MTREX: variants seen among roughly 807,000 people sequenced by gnomAD.
MTREX encodes the protein Mtr4 exosome RNA helicase.
MTREX carries 76 observed loss-of-function variants against 135.4 expected under a neutral mutation model. That is an observed-to-expected ratio of 0.56 (90% CI 0.47 to 0.68). The LOEUF (loss-of-function observed/expected upper bound fraction) is 0.68. Ranked by LOEUF, MTREX falls within the 30% of genes least tolerant of loss-of-function variation. The pLI is 0.00. For missense variants in MTREX, 920 were observed against 1,262.1 expected (o/e 0.73, Z 4.11); for synonymous variants, 404 against 401.6 (o/e 1.01, Z -0.07).
chr5:55,313,234 C>T (rs1399414810), intron 1 of MTREX, among the ~76,000 whole-genome samples: 2 of 147,330 alleles, frequency 1.4e-5, no homozygotes, highest in Non-Finnish European at 3.0e-5. Context: ...CCCAGGAGTT[C>T]GGGACCAGCT....
intron 15 of MTREX, among the ~76,000 whole-genome samples, chr5:55,361,901 G>GTTGTTTGT (rs773440677): frequency 0.023 from 3,514 of 150,758 alleles, 126 homozygotes; most frequent in African/African-American, 0.078. Flanking sequence ...CCTTGTTGTT[G>GTTGTTTGT]TTGTTTGTTT....
At position 55,342,945 on chromosome 5, in the gene MTREX, G is replaced by T. The variant is rs370688809; in HGVS notation, c.782-386G>T. 1.3e-3 allele frequency among the ~76,000 whole-genome samples: 204 copies of T among 152,190 alleles called. 2 individuals are homozygous for T. In the Middle Eastern group the frequency reaches 0.024, roughly 18 times the overall value. Reference sequence around the variant, plus strand: ...AAGGATAATTTGGGTGAACGATGCCGTCTGGAATAGGAATAGTATCTTCTA... The same window carrying T: ...AAGGATAATTTGGGTGAACGATGCCTTCTGGAATAGGAATAGTATCTTCTA... On this transcript the variant is annotated intron_variant, in intron 7 of 26. Coordinates refer to ENST00000230640, the MANE Select transcript of MTREX (RefSeq NM_015360.5).
chr5:55,313,037 T>TA lies in MTREX; in HGVS notation c.134+4896dup, dbSNP rs1178130025. 2.6e-5 allele frequency among the ~76,000 whole-genome samples: 4 copies of TA among 152,162 alleles called. No homozygotes were observed. In the South Asian group the frequency reaches 6.2e-4, roughly 24 times the overall value. ...AAGAACTAGGGAATCTTTGTTTTTA[T>TA]AAAAAATAGAATTCATACTGACATT... On this transcript the variant is annotated intron_variant, in intron 1 of 26. Coordinates refer to ENST00000230640, the MANE Select transcript of MTREX (RefSeq NM_015360.5).
At position 55,399,816 on chromosome 5, in the gene MTREX, A is replaced by G. The variant is rs573140327; in HGVS notation, c.2293-417A>G. 7.2e-5 allele frequency among the ~76,000 whole-genome samples: 11 copies of G among 152,332 alleles called. No individual in the cohort carries two copies. In the East Asian group the frequency reaches 1.5e-3, roughly 21 times the overall value. ...GGACTTTTTAAAAAGTCTATACTTT[A>G]CAAGTCAGTAGTGCCCTCCCTAGGC... On this transcript the variant is annotated intron_variant, in intron 20 of 26. Coordinates refer to ENST00000230640, the MANE Select transcript of MTREX (RefSeq NM_015360.5).
chr5:55,403,219 CA>C (rs576509416), intron 21 of MTREX, among the ~76,000 whole-genome samples: 19 of 150,244 alleles, frequency 1.3e-4, no homozygotes, highest in African/African-American at 2.7e-4. Context: ...AAAACAAAAA[CA>C]AAAAAAAAGT....
Position 55,373,163 on chromosome 5 carries a change from A to T in MTREX, c.1811-5151A>T, listed in dbSNP as rs187607798. 2.6e-4 allele frequency among the ~76,000 whole-genome samples: 38 copies of T among 144,144 alleles called. 1 individual carries two copies. In the East Asian group the frequency reaches 6.6e-3, roughly 25 times the overall value. The allele number at this position is 144,144 out of a possible 152,430, so 94.6% of individuals were successfully genotyped here. A position where few individuals can be genotyped will look rare whatever the true frequency, so the allele number is the denominator to read the frequency against. ...TTTGTCTTAGATCTGTTCATAATAA[A>T]TTTTTTTTGACTTACTTTGTCTTAT... On this transcript the variant is annotated intron_variant, in intron 16 of 26. Transcript: ENST00000230640.
chr5:55,395,858 A>T (rs113826418), intron 19 of MTREX, among the ~76,000 whole-genome samples: 13 of 152,346 alleles, frequency 8.5e-5, no homozygotes, highest in African/African-American at 3.1e-4. Flanking sequence ...ACTGTTCCAG[A>T]TTAAAGAAGA....
At chr5:55,353,317 C>T (rs1223371177) in intron 14 of MTREX, 48 bp downstream of exon 14, 33 of 1,200,178 alleles carry the variant, frequency 2.7e-5, no homozygotes, top group Non-Finnish European at 3.9e-5. Flanking sequence ...CTTTGTTATA[C>T]TATAGATAAC....
At chr5:55,387,837 T>C (rs1416751781) in intron 18 of MTREX, 137 bp from the exon 19 acceptor site, 7 of 625,058 alleles carry the variant, frequency 1.1e-5, no homozygotes, top group Non-Finnish European at 1.6e-5. Context: ...TTTCATTTCA[T>C]AAAATAAGTA....
intron 25 of MTREX, among the ~76,000 whole-genome samples, chr5:55,421,722 G>A (rs230756): frequency 0.87 from 132,362 of 152,214 alleles, 57,805 homozygotes; most frequent in South Asian, 0.92. Flanking sequence ...TTAATGCCCT[G>A]TGCAGCAGAG....
intron 21 of MTREX, among the ~76,000 whole-genome samples, chr5:55,402,852 A>ATGTGTGTGTGTGTGTG (rs767239762): frequency 2.4e-4 from 28 of 114,510 alleles, no homozygotes; most frequent in African/African-American, 8.5e-4. Flanking sequence ...ATGTGTATGT[A>ATGTGTGTGTGTGTGTG]TGTGTGTGTG....
At chr5:55,386,776 A>C (rs1750487893) in intron 18 of MTREX, among the ~76,000 whole-genome samples, 1 of 152,122 alleles carries the variant, frequency 6.6e-6, no homozygotes, top group Admixed American at 6.5e-5. Flanking sequence ...TTTTTTGTCC[A>C]GATACTCACA....
intron 16 of MTREX, among the ~76,000 whole-genome samples, chr5:55,378,100 A>G (rs1181311129): frequency 6.6e-6 from 1 of 152,118 alleles, no homozygotes; most frequent in African/African-American, 2.4e-5. Flanking sequence ...GTTGTCAGTC[A>G]TGTCTATCCA....
intron 1 of MTREX, among the ~76,000 whole-genome samples, chr5:55,322,116 G>T (rs1220494608): frequency 6.6e-6 from 1 of 152,012 alleles, no homozygotes; most frequent in Non-Finnish European, 1.5e-5. Context: ...ATTTTAAACC[G>T]TCAAAGAAAA....
chr5:55,335,964 T>C (rs1040256403), intron 5 of MTREX, among the ~76,000 whole-genome samples: 7 of 152,296 alleles, frequency 4.6e-5, no homozygotes, highest in African/African-American at 1.4e-4. Flanking sequence ...ATAGGTCTTA[T>C]ACGTGTTTTC....
rs1749332438 is a variant in MTREX, at chr5:55,324,189, T to C, written c.330T>C (p.Cys110=). 1 of 1,608,976 alleles carries C rather than the reference T, an allele frequency of 6.2e-7. No homozygotes were observed. Among genetic ancestry groups the C allele is most frequent in the Non-Finnish European group, 8.5e-7 (1 of 1,177,216 alleles). ...KVQSVETVEG[C]THEVALPAEE... Reference sequence around the variant, plus strand: ...AATCAGTTGAAACTGTTGAAGGGTGTACACATGAGGTAAGCACAAACAGCA... The same window carrying C: ...AATCAGTTGAAACTGTTGAAGGGTGCACACATGAGGTAAGCACAAACAGCA... The change falls in exon 3 of 27, where the codon TGT becomes TGC. Residue 110 remains cysteine, a synonymous_variant. Transcript: ENST00000230640.
intron 1 of MTREX, among the ~76,000 whole-genome samples, chr5:55,318,526 A>C (rs1396050008): frequency 6.6e-6 from 1 of 152,212 alleles, no homozygotes; most frequent in Admixed American, 6.5e-5. Context: ...GGAACAGAAA[A>C]CCAAATACCG....
chr5:55,418,504 C>T (rs901026621), intron 25 of MTREX, among the ~76,000 whole-genome samples: 7 of 149,242 alleles, frequency 4.7e-5, no homozygotes, highest in African/African-American at 1.5e-4. Flanking sequence ...CTGTTCTGTC[C>T]TCTTTCAGTT....
intron 25 of MTREX, among the ~76,000 whole-genome samples, chr5:55,422,129 C>A (rs1262245248): frequency 1.3e-5 from 2 of 152,148 alleles, no homozygotes; most frequent in African/African-American, 2.4e-5. Context: ...AAAATGAAGT[C>A]AAGCGTTTTA....
Sources: allele counts gnomAD v4.1 joint callset (sites outside exome capture counted in the v4.1 genomes callset), GRCh38; gene constraint gnomAD v4.1.1; transcripts MANE v1.5; gene names NCBI Gene and HGNC (gene_info 2026-07-23, HGNC 2026-07-21).